Variants in FARP1 observed in about 807,000 individuals in gnomAD.
FARP1 encodes the protein FERM, ARHGEF and pleckstrin domain-containing protein 1.
A neutral mutation model predicts 128.8 loss-of-function variants in FARP1; 52 were observed. The ratio of observed to expected loss-of-function variants is 0.40; its 90% confidence interval spans 0.32 to 0.51. FARP1 has a LOEUF of 0.51. FARP1 is among the 20% of genes least tolerant of loss of function. FARP1 has a pLI of 0.45. For missense variants in FARP1, 1,333 were observed against 1,367.9 expected (o/e 0.97, Z 0.40); for synonymous variants, 580 against 551.8 (o/e 1.05, Z -0.72).
intron 2 of FARP1, among the ~76,000 whole-genome samples, chr13:98,275,628 C>CTTTT (rs201108793): frequency 1.5e-5 from 1 of 67,082 alleles, no homozygotes; most frequent in Non-Finnish European, 3.4e-5. Context: ...CTCTTTCTCT[C>CTTTT]TTTTTTTTTT....
intron 6 of FARP1, 88 bp from the exon 7 acceptor site, chr13:98,384,642 C>A: frequency 1.3e-6 from 1 of 774,032 alleles, no homozygotes; most frequent in Non-Finnish European, 2.2e-6. Context: ...ATGTTGTCTG[C>A]TAGCTTCTGT....
intron 12 of FARP1, among the ~76,000 whole-genome samples, 189 bp downstream of exon 12, chr13:98,393,907 C>T (rs1890408933): frequency 6.6e-6 from 1 of 152,182 alleles, no homozygotes; most frequent in Non-Finnish European, 1.5e-5. Context: ...AGCCTGGGCT[C>T]AGAGGCCGTG....
chr13:98,290,320 C>G lies in FARP1; in HGVS notation c.172-53442C>G, dbSNP rs77823734. ...ATATACATGTTCATATTTTATAAAA[C>G]TTGTCAGACAGGCCTCTCTGAAAAA... On this transcript the variant is annotated intron_variant, in intron 2 of 26. Transcript: ENST00000319562. Among the ~76,000 whole-genome samples the G allele has an allele frequency of 2.0e-5, 3 of 152,060 alleles. No homozygotes were observed. In the East Asian group the frequency reaches 5.9e-4, roughly 30 times the overall value.
At chr13:98,424,401 G>A (rs1368020067) in intron 16 of FARP1, among the ~76,000 whole-genome samples, 171 bp from the exon 17 acceptor site, 1 of 152,144 alleles carries the variant, frequency 6.6e-6, no homozygotes, top group Non-Finnish European at 1.5e-5. Flanking sequence ...GGATGAGTGG[G>A]GTAATTTCCA....
At chr13:98,301,018 G>T (rs1350937948) in intron 2 of FARP1, among the ~76,000 whole-genome samples, 2 of 152,278 alleles carry the variant, frequency 1.3e-5, no homozygotes, top group East Asian at 3.9e-4. Flanking sequence ...GGGCCATTGC[G>T]CCATCCAGGG....
At chr13:98,204,612 AG>A (rs1880155567) in intron 1 of FARP1, among the ~76,000 whole-genome samples, 1 of 151,924 alleles carries the variant, frequency 6.6e-6, no homozygotes, top group South Asian at 2.1e-4. Flanking sequence ...ATCCTTTAGT[AG>A]TTTTTTTGAG....
intron 16 of FARP1, 49 bp from the exon 17 acceptor site, chr13:98,424,523 A>C: frequency 8.3e-7 from 1 of 1,201,768 alleles, no homozygotes; most frequent in South Asian, 1.2e-5. Flanking sequence ...CAGGGCTGTC[A>C]TGTCACTACT....
chr13:98,330,616 G>C (rs1312495220), intron 2 of FARP1, among the ~76,000 whole-genome samples: 1 of 152,006 alleles, frequency 6.6e-6, no homozygotes, highest in Non-Finnish European at 1.5e-5. Flanking sequence ...TTAGCTGGGC[G>C]TGGTGGCAGG....
intron 8 of FARP1, among the ~76,000 whole-genome samples, 155 bp from the exon 9 acceptor site, chr13:98,388,228 G>A (rs190727184): frequency 3.0e-4 from 45 of 152,254 alleles, no homozygotes; most frequent in African/African-American, 1.0e-3. Flanking sequence ...GGTATCATCC[G>A]ATAGCCACAG....
At chr13:98,325,842 A>G (rs1887206705) in intron 2 of FARP1, among the ~76,000 whole-genome samples, 3 of 152,250 alleles carry the variant, frequency 2.0e-5, no homozygotes. Context: ...AAACAAAACA[A>G]AACCTGAAAC....
At chr13:98,246,040 G>C (rs1249332000) in intron 2 of FARP1, among the ~76,000 whole-genome samples, 2 of 144,536 alleles carry the variant, frequency 1.4e-5, no homozygotes, top group South Asian at 4.5e-4. Context: ...GCCTCCCAAA[G>C]TGTTGGGATT....
At chr13:98,151,658 A>ATTTTTTTTTTTTTTTTTTTTTTTTTT (rs1197060435) in intron 1 of FARP1, among the ~76,000 whole-genome samples, 1 of 24,172 alleles carries the variant, frequency 4.1e-5, no homozygotes, top group Non-Finnish European at 1.7e-4. Flanking sequence ...TATATCTTCC[A>ATTTTTTTTTTTTTTTTTTTTTTTTTT]TCTTTTTTTT....
rs575696561 is a variant in FARP1 at position 98,393,180 on chromosome 13, G to A, written c.1089-463G>A. Among the ~76,000 whole-genome samples the A allele has an allele frequency of 1.2e-3, 179 of 152,290 alleles. 1 individual carries two copies. The highest frequency in any genetic ancestry group is 4.3e-3 in the African/African-American group (177 of 41,566). On this transcript the variant is annotated intron_variant, in intron 11 of 26. Transcript: ENST00000319562. ...GCAGGCCTTTTCCTCTGAACTTACC[G>A]CTTTGATAGAGTGAGCGGATGAGTG...
chr13:98,440,032 C>T lies in FARP1; in HGVS notation c.2505C>T (p.Ile835=), dbSNP rs762126916. The T allele has an allele frequency of 3.0e-5, 48 of 1,606,710 alleles. No homozygotes were observed. Among genetic ancestry groups the T allele is most frequent in the African/African-American group, 1.2e-4 (9 of 74,834 alleles). Residue 835 remains isoleucine (I), a synonymous_variant, in exon 22 of 27, where the codon ATC becomes ATT. Coordinates refer to ENST00000319562, the MANE Select transcript of FARP1 (RefSeq NM_005766.4). ...TCCGGGGCCAGCGGCAGTCCATCATCGTGGCCGCCAGGTAACTCGGGAGCC... is the reference window on the plus strand; with the variant it reads ...TCCGGGGCCAGCGGCAGTCCATCATTGTGGCCGCCAGGTAACTCGGGAGCC... The part of the protein sequence containing the change: ...LTLRGQRQSI[I]VAASSRSEME...
At position 98,446,916 on chromosome 13, in the gene FARP1, C is replaced by A. The variant is rs1358715042; in HGVS notation, c.3056+99C>A. 4.6e-6 allele frequency: 6 copies of A among 1,303,238 alleles called. No homozygotes were observed. In the African/African-American group the frequency reaches 7.3e-5, roughly 16 times the overall value. The allele number at this position is 1,303,238 out of a possible 1,614,324, so 80.7% of individuals were successfully genotyped here. A position where few individuals can be genotyped will look rare whatever the true frequency, so the allele number is the denominator to read the frequency against. On this transcript the variant is annotated intron_variant, in intron 26 of 26. Coordinates refer to ENST00000319562, the MANE Select transcript of FARP1 (RefSeq NM_005766.4). The stretch of plus-strand genomic sequence containing the variant: ...AGTCAGCGAGTGAGATGGCCCCACC[C>A]TTCCCTGCCAACTAAGCGTTTAGAC...
At chr13:98,213,750 T>C (rs1306155579) in intron 2 of FARP1, among the ~76,000 whole-genome samples, 1 of 152,166 alleles carries the variant, frequency 6.6e-6, no homozygotes, top group Non-Finnish European at 1.5e-5. Flanking sequence ...GTCTTGTGGC[T>C]GGATCCCAGT....
rs1893116580 is a variant in FARP1, at chr13:98,450,110, G to A, written c.*1793G>A. 1 of 152,224 alleles carries A rather than the reference G, an allele frequency of 6.6e-6. No homozygotes were observed. Among genetic ancestry groups the A allele is most frequent in the South Asian group, 2.1e-4 (1 of 4,828 alleles). 9.4% of individuals were successfully genotyped at this position (152,224 alleles called of 1,614,324 possible). A position where few individuals can be genotyped will look rare whatever the true frequency, so the allele number is the denominator to read the frequency against. On this transcript the variant is annotated 3_prime_UTR_variant, in exon 27 of 27. Transcript: ENST00000319562. The stretch of plus-strand genomic sequence containing the variant: ...CCTGTGACCAGCACCTCTGCTTCCT[G>A]TGTGCCCTCAAGAAAATACTAGTGT...
chr13:98,366,199 C>T (rs1341178984), intron 4 of FARP1, among the ~76,000 whole-genome samples: 1 of 152,106 alleles, frequency 6.6e-6, no homozygotes, highest in Non-Finnish European at 1.5e-5. Flanking sequence ...GCTTACAGTA[C>T]CTATGGGATC....
intron 6 of FARP1, chr13:98,384,358 A>AATTTTTGT (rs1260958022): frequency 6.0e-5 from 12 of 200,130 alleles, no homozygotes; most frequent in African/African-American, 2.5e-4. Context: ...GTACCCAGCC[A>AATTTTTGT]ATTTTTGTAT....
Sources: gnomAD v4.1 joint callset for allele counts (sites outside exome capture counted in the v4.1 genomes callset) on GRCh38, gnomAD v4.1.1 for gene constraint, MANE v1.5 for transcripts, NCBI Gene and HGNC (gene_info 2026-07-23, HGNC 2026-07-21) for gene names.